AMOTL1: variants seen among roughly 807,000 people sequenced by gnomAD.
AMOTL1 encodes angiomotin like 1.
AMOTL1 carries 45 observed loss-of-function variants against 102.9 expected under a neutral mutation model. That is an observed-to-expected ratio of 0.44 (90% CI 0.34 to 0.56). The LOEUF (loss-of-function observed/expected upper bound fraction) is 0.56, where lower values mean the gene tolerates loss of function less well. Among genes scored for constraint, AMOTL1 ranks in the 20% least tolerant of loss-of-function variants. The pLI is 0.01. For synonymous variants in AMOTL1, 481 were observed against 484.7 expected (o/e 0.99, Z 0.10); for missense variants, 1,114 against 1,225.6 (o/e 0.91, Z 1.36).
At chr11:94,801,392 T>C (rs1288581724) in intron 3 of AMOTL1, among the ~76,000 whole-genome samples, 2 of 152,120 alleles carry the variant, frequency 1.3e-5, no homozygotes, top group African/African-American at 2.4e-5. Flanking sequence ...GGTTGAGGTA[T>C]GTTTGGACAG....
chr11:94,749,347 C>T (rs1950623849), intron 3 of AMOTL1, among the ~76,000 whole-genome samples: 1 of 151,964 alleles, frequency 6.6e-6, no homozygotes, highest in Admixed American at 6.5e-5. Context: ...CTTTCCTCAG[C>T]CCTTTTGGTT....
intron 6 of AMOTL1, among the ~76,000 whole-genome samples, chr11:94,840,806 T>A (rs1319065784): frequency 6.6e-6 from 1 of 151,750 alleles, no homozygotes; most frequent in Admixed American, 6.6e-5. Flanking sequence ...CATATTTATA[T>A]ACCTATATTT....
At chr11:94,865,818 CGTACT>C (rs1952871012) in intron 10 of AMOTL1, 119 bp from the exon 11 acceptor site, 1 of 793,024 alleles carries the variant, frequency 1.3e-6, no homozygotes, top group Non-Finnish European at 2.0e-6. Context: ...TTTGAAGACT[CGTACT>C]GTGCTTCATC....
intron 4 of AMOTL1, among the ~76,000 whole-genome samples, chr11:94,827,828 G>A (rs1427497741): frequency 6.6e-6 from 1 of 152,200 alleles, no homozygotes; most frequent in Non-Finnish European, 1.5e-5. Context: ...TCAGGGTGCT[G>A]ACCACAGTAT....
intron 3 of AMOTL1, among the ~76,000 whole-genome samples, chr11:94,801,641 G>T (rs891330351): frequency 6.6e-6 from 1 of 152,118 alleles, no homozygotes; most frequent in African/African-American, 2.4e-5. Context: ...AGGGAGAATA[G>T]AGGAGCATTA....
chr11:94,802,387 T>C (rs1951495059), intron 3 of AMOTL1, among the ~76,000 whole-genome samples: 2 of 152,216 alleles, frequency 1.3e-5, no homozygotes, highest in African/African-American at 2.4e-5. Context: ...GAGGGGAAGC[T>C]ATCCTGAAAT....
At chr11:94,848,450 C>T (rs1351389781) in intron 6 of AMOTL1, among the ~76,000 whole-genome samples, 1 of 152,152 alleles carries the variant, frequency 6.6e-6, no homozygotes. Context: ...GCACAGCCAC[C>T]ACTTAGCTTT....
intron 4 of AMOTL1, among the ~76,000 whole-genome samples, chr11:94,827,262 C>T (rs2135648759): frequency 6.6e-6 from 1 of 152,126 alleles, no homozygotes; most frequent in East Asian, 1.9e-4. Context: ...GAGAAGGGTC[C>T]CTGTGGGTGT....
chr11:94,793,362 G>T (rs72971764), intron 1 of AMOTL1, among the ~76,000 whole-genome samples: 27,544 of 152,104 alleles, frequency 0.18, 2,907 homozygotes, highest in Admixed American at 0.3. Flanking sequence ...TCTCCCTCTT[G>T]CTTAGAGCTT....
At chr11:94,735,569 C>G (rs1451532496) in intron 2 of AMOTL1, among the ~76,000 whole-genome samples, 1 of 152,178 alleles carries the variant, frequency 6.6e-6, no homozygotes, top group Non-Finnish European at 1.5e-5. Flanking sequence ...CCTTCCTAAA[C>G]AGAAAACAGT....
intron 3 of AMOTL1, among the ~76,000 whole-genome samples, chr11:94,821,274 T>C (rs1951860638): frequency 6.6e-6 from 1 of 152,200 alleles, no homozygotes; most frequent in Non-Finnish European, 1.5e-5. Context: ...CTTGGCTTTA[T>C]TGTTGGGTGG....
At chr11:94,840,679 T>TATATATATATATATAC (rs1952280924) in intron 6 of AMOTL1, among the ~76,000 whole-genome samples, 1 of 129,362 alleles carries the variant, frequency 7.7e-6, no homozygotes, top group African/African-American at 3.1e-5. Flanking sequence ...TATATATATA[T>TATATATATATATATAC]ATACACACAC....
chr11:94,865,906 G>A (rs1349504545), intron 10 of AMOTL1, 36 bp from the exon 11 acceptor site: 1 of 1,574,228 alleles, frequency 6.4e-7, no homozygotes, highest in Non-Finnish European at 8.7e-7. Context: ...CTAGCCAAGT[G>A]GCTTTTTATG....
chr11:94,795,682 A>G (rs1468537959), intron 2 of AMOTL1, among the ~76,000 whole-genome samples: 1 of 152,210 alleles, frequency 6.6e-6, no homozygotes, highest in African/African-American at 2.4e-5. Flanking sequence ...TTCTTGCTAA[A>G]TATGCTTATA....
intron 12 of AMOTL1, among the ~76,000 whole-genome samples, chr11:94,870,109 C>T (rs553945389): frequency 3.4e-4 from 52 of 152,202 alleles, no homozygotes; most frequent in African/African-American, 1.1e-3. Flanking sequence ...CAGTGGGATC[C>T]CACAAATGTT....
intron 3 of AMOTL1, among the ~76,000 whole-genome samples, chr11:94,803,275 C>G (rs1170787523): frequency 2.0e-5 from 3 of 152,232 alleles, no homozygotes; most frequent in African/African-American, 4.8e-5. Flanking sequence ...CTCACCTGCT[C>G]TGATGCGCCC....
chr11:94,812,933 G>A (rs1951707748), intron 3 of AMOTL1, among the ~76,000 whole-genome samples: 1 of 152,084 alleles, frequency 6.6e-6, no homozygotes, highest in South Asian at 2.1e-4. Flanking sequence ...CCATATCAAA[G>A]GGCTGAGTCA....
chr11:94,844,892 T>C lies in AMOTL1; in HGVS notation c.1649-5222T>C, dbSNP rs190317441. ...ACTACTTGATCAAGCAGGCAGTAGC[T>C]GGACTCCTCTATCTCTCCAGCTACA... On this transcript the variant is annotated intron_variant, in intron 6 of 12. Transcript: ENST00000433060. 4.9e-3 allele frequency among the ~76,000 whole-genome samples: 750 copies of C among 152,342 alleles called. 6 individuals are homozygous for C. Among genetic ancestry groups the C allele is most frequent in the Non-Finnish European group, 5.2e-3 (353 of 68,030 alleles).
At chr11:94,847,363 A>G (rs1453176640) in intron 6 of AMOTL1, among the ~76,000 whole-genome samples, 2 of 152,218 alleles carry the variant, frequency 1.3e-5, no homozygotes, top group Non-Finnish European at 2.9e-5. Flanking sequence ...CTAATAGCTA[A>G]CAGGAGCTAT....
Sources: allele counts gnomAD v4.1 joint callset (sites outside exome capture counted in the v4.1 genomes callset), GRCh38; gene constraint gnomAD v4.1.1; transcripts MANE v1.5; gene names NCBI Gene and HGNC (gene_info 2026-07-23, HGNC 2026-07-21).